Variants in COL26A1 observed in about 807,000 individuals in gnomAD.
The protein encoded by COL26A1 is collagen type XXVI alpha 1 chain.
Under a neutral mutation model 59.3 loss-of-function variants are expected in COL26A1, and 41 were observed. The observed-to-expected ratio is 0.69, with a 90% confidence interval of 0.54 to 0.90. The LOEUF is 0.90. Ranked by LOEUF, COL26A1 falls within the 40% of genes least tolerant of loss-of-function variation. The pLI is 0.00. For missense variants in COL26A1, 612 were observed against 602.3 expected, an observed-to-expected ratio of 1.02 and a Z score of -0.17; for synonymous variants, 266 against 256.0, an observed-to-expected ratio of 1.04 and a Z score of -0.37.
chr7:101,555,710 A>G, intron 11 of COL26A1, 77 bp from the exon 12 acceptor site: 2 of 1,081,188 alleles, frequency 1.8e-6, no homozygotes, highest in Admixed American at 4.0e-5. Context: ...GAGGACACAT[A>G]CACTGTCACT....
chr7:101,516,940 A>C (rs1445758335), intron 3 of COL26A1, among the ~76,000 whole-genome samples: 1 of 152,160 alleles, frequency 6.6e-6, no homozygotes, highest in African/African-American at 2.4e-5. Flanking sequence ...AATCCAGGCA[A>C]GTGGAAGAAA....
chr7:101,392,212 A>G (rs1274315777), intron 1 of COL26A1, among the ~76,000 whole-genome samples: 1 of 151,852 alleles, frequency 6.6e-6, no homozygotes, highest in Admixed American at 6.6e-5. Flanking sequence ...CACAGGCAGG[A>G]GGGTTACTCC....
intron 1 of COL26A1, among the ~76,000 whole-genome samples, chr7:101,366,474 ATTTTTTTTTTTTTTTTTTTTTTTTTTT>A (rs869149636): frequency 5.2e-5 from 4 of 76,228 alleles, no homozygotes; most frequent in Admixed American, 2.1e-4. Flanking sequence ...TTAACGTCTG[ATTTTTTTTTTTTTTTTTTTTTTTTTTT>A]TTTTTTTTTT....
At chr7:101,490,107 T>C (rs923284026) in intron 3 of COL26A1, among the ~76,000 whole-genome samples, 6 of 151,364 alleles carry the variant, frequency 4.0e-5, no homozygotes, top group Admixed American at 1.3e-4. Context: ...TGGGTAATTT[T>C]TGTATTTTTC....
chr7:101,401,596 GGAA>G (rs1171328278), intron 1 of COL26A1, among the ~76,000 whole-genome samples: 2 of 149,914 alleles, frequency 1.3e-5, no homozygotes, highest in Admixed American at 6.7e-5. Context: ...AGGAGGAAGA[GGAA>G]GAGTAGGAGG....
intron 2 of COL26A1, among the ~76,000 whole-genome samples, chr7:101,424,605 AT>A (rs1792600905): frequency 6.6e-6 from 1 of 152,208 alleles, no homozygotes; most frequent in Admixed American, 6.5e-5. Flanking sequence ...CTCAAAAAAA[AT>A]TTAATAATTT....
At chr7:101,504,853 CTG>C (rs1238848441) in intron 3 of COL26A1, among the ~76,000 whole-genome samples, 1 of 151,600 alleles carries the variant, frequency 6.6e-6, no homozygotes, top group African/African-American at 2.4e-5. Context: ...CTGTGTGTGT[CTG>C]TGTCCATTTA....
At chr7:101,386,479 G>A (rs1229997746) in intron 1 of COL26A1, among the ~76,000 whole-genome samples, 3 of 152,006 alleles carry the variant, frequency 2.0e-5, no homozygotes, top group Non-Finnish European at 4.4e-5. Flanking sequence ...GGAGTGCAGC[G>A]GTGCACCGCA....
chr7:101,557,026 T>C (rs1422889368), intron 12 of COL26A1, among the ~76,000 whole-genome samples: 1 of 63,944 alleles, frequency 1.6e-5, no homozygotes, highest in Non-Finnish European at 4.0e-5. Flanking sequence ...GATGGATGGA[T>C]GGATGGATGG....
intron 2 of COL26A1, among the ~76,000 whole-genome samples, chr7:101,438,222 G>A (rs1040867081): frequency 6.6e-6 from 1 of 151,412 alleles, no homozygotes; most frequent in Non-Finnish European, 1.5e-5. Flanking sequence ...TTAGCCAGGC[G>A]TGGTGGTGCA....
At chr7:101,528,131 C>T (rs1177893939) in intron 3 of COL26A1, among the ~76,000 whole-genome samples, 1 of 152,156 alleles carries the variant, frequency 6.6e-6, no homozygotes, top group Non-Finnish European at 1.5e-5. Flanking sequence ...GAGCTGGACC[C>T]ACCCCACAAC....
intron 3 of COL26A1, among the ~76,000 whole-genome samples, chr7:101,462,156 C>T (rs528492449): frequency 5.9e-5 from 9 of 151,866 alleles, no homozygotes; most frequent in Admixed American, 2.0e-4. Flanking sequence ...CCCGCCTCCA[C>T]GCCCGGCTAA....
Position 101,533,128 on chromosome 7 carries a change from C to A in COL26A1, c.432C>A (p.Thr144=), listed in dbSNP as rs1433986344. 6.2e-7 allele frequency: 1 copy of A among 1,606,200 alleles called. No homozygotes were observed. Among genetic ancestry groups the A allele is most frequent in the African/African-American group, 1.3e-5 (1 of 74,948 alleles). ...TRLSDMSERL[T]TLEAKVLLLE... is the part of the protein sequence containing the mutation. Reference sequence around the variant, plus strand: ...TCAGTGACATGAGTGAGCGACTGACCACACTGGAGGCCAAGGTCAGTCGGG... The same window carrying A: ...TCAGTGACATGAGTGAGCGACTGACAACACTGGAGGCCAAGGTCAGTCGGG... Residue 144 remains threonine, a synonymous_variant, in exon 4 of 13, where the codon ACC becomes ACA. Transcript: ENST00000313669.
intron 1 of COL26A1, among the ~76,000 whole-genome samples, chr7:101,367,431 C>T (rs529006561): frequency 7.8e-4 from 119 of 152,094 alleles, no homozygotes; most frequent in South Asian, 2.7e-3. Context: ...TTGGGAGGCC[C>T]AGGTGGGTGG....
chr7:101,389,377 A>ATT (rs71106518), intron 1 of COL26A1, among the ~76,000 whole-genome samples: 6 of 89,378 alleles, frequency 6.7e-5, no homozygotes, highest in East Asian at 2.8e-4. Context: ...TGATTTGCAC[A>ATT]TTTTTTTTTT....
rs147420503 is a variant in COL26A1, at chr7:101,531,246, T to C, written c.386-1836T>C. ...TTGGCCTCCCAAAGTGCTGGGATTA[T>C]AGGCGTGAGCCACCACACCCGGCCT... On this transcript the variant is annotated intron_variant, in intron 3 of 12. Coordinates refer to ENST00000313669, the MANE Select transcript of COL26A1 (RefSeq NM_001278563.3). Among the ~76,000 whole-genome samples the C allele has an allele frequency of 1.3e-3, 199 of 152,304 alleles. 3 individuals carry two copies. In the South Asian group the frequency reaches 0.022, roughly 17 times the overall value.
chr7:101,399,058 A>G (rs976146907), intron 1 of COL26A1, among the ~76,000 whole-genome samples: 2 of 152,070 alleles, frequency 1.3e-5, no homozygotes, highest in African/African-American at 2.4e-5. Flanking sequence ...TAATCCCAGC[A>G]CTTAGGGAGG....
intron 4 of COL26A1, among the ~76,000 whole-genome samples, chr7:101,538,092 C>T (rs756535267): frequency 6.6e-6 from 1 of 152,180 alleles, no homozygotes; most frequent in African/African-American, 2.4e-5. Flanking sequence ...CAGGGCCTGA[C>T]GCTCCTCCAA....
At chr7:101,499,193 G>A (rs1244544773) in intron 3 of COL26A1, among the ~76,000 whole-genome samples, 1 of 152,072 alleles carries the variant, frequency 6.6e-6, no homozygotes, top group Non-Finnish European at 1.5e-5. Flanking sequence ...CCACAGCCTC[G>A]ACCTTCTGCA....
Sources: gnomAD v4.1 joint callset for allele counts (sites outside exome capture counted in the v4.1 genomes callset) on GRCh38, gnomAD v4.1.1 for gene constraint, MANE v1.5 for transcripts, NCBI Gene and HGNC (gene_info 2026-07-23, HGNC 2026-07-21) for gene names.